The following SEMA3A variants were observed in gnomAD, a reference collection of about 807,000 sequenced individuals.
SEMA3A encodes semaphorin-3A.
SEMA3A carries 29 observed loss-of-function variants against 97.9 expected under a neutral mutation model. That is an observed-to-expected ratio of 0.30 (90% CI 0.22 to 0.40). The LOEUF (loss-of-function observed/expected upper bound fraction) is 0.40, where lower values mean the gene tolerates loss of function less well. SEMA3A is among the 10% of genes least tolerant of loss of function. The pLI, the probability that SEMA3A is intolerant of heterozygous loss-of-function variation, is 1.00. For missense variants in SEMA3A, 763 were observed against 951.3 expected, an observed-to-expected ratio of 0.80 and a Z score of 2.60; for synonymous variants, 321 against 323.7, an observed-to-expected ratio of 0.99 and a Z score of 0.09.
At chr7:84,151,439 G>A (rs1022311915) in intron 1 of SEMA3A, among the ~76,000 whole-genome samples, 11 of 151,998 alleles carry the variant, frequency 7.2e-5, no homozygotes, top group Admixed American at 4.6e-4. Context: ...ACTACATGAA[G>A]AATGCAGAAG....
intron 15 of SEMA3A, among the ~76,000 whole-genome samples, chr7:83,968,317 G>T (rs1449120076): frequency 6.6e-6 from 1 of 152,164 alleles, no homozygotes; most frequent in African/African-American, 2.4e-5. Context: ...TTTTGGCAGG[G>T]TGTTCCCACC....
Position 84,357,121 on chromosome 7 carries a change from C to CTT in SEMA3A, c.-169+14701_-169+14702dup, listed in dbSNP as rs1584261230. Among the ~76,000 whole-genome samples, 10 of 149,222 alleles carry CTT rather than the reference C, an allele frequency of 6.7e-5. No individual in the cohort carries two copies. The East Asian group carries it at 2.0e-3, about 29-fold the overall frequency. On this transcript the variant is annotated intron_variant, in intron 2 of 3. Transcript: ENST00000424555. ...TAATTTCTTTTTTTTTCTATTTTTT[C>CTT]TTTTATATATATATATTTTTTATTA...
intron 1 of SEMA3A, among the ~76,000 whole-genome samples, chr7:84,191,513 A>G (rs1410931001): frequency 6.6e-6 from 1 of 151,816 alleles, no homozygotes; most frequent in Non-Finnish European, 1.5e-5. Flanking sequence ...TGATTCATGC[A>G]GGTTTTTCTG....
chr7:84,436,535 A>G (rs1036932630), intron 1 of SEMA3A, among the ~76,000 whole-genome samples: 1 of 152,188 alleles, frequency 6.6e-6, no homozygotes, highest in Non-Finnish European at 1.5e-5. Context: ...TTACTGGGCC[A>G]AAGTCTTTCT....
intron 3 of SEMA3A, among the ~76,000 whole-genome samples, chr7:84,220,198 T>C (rs1798844395): frequency 6.6e-6 from 1 of 152,198 alleles, no homozygotes. Context: ...ACCACTTTCT[T>C]TCTTCGTAGG....
chr7:84,449,948 A>C (rs1370909416), intron 1 of SEMA3A, among the ~76,000 whole-genome samples: 1 of 152,194 alleles, frequency 6.6e-6, no homozygotes, highest in African/African-American at 2.4e-5. Context: ...ATTTCATTGC[A>C]TCTATTACAA....
At chr7:84,185,469 C>T (rs370912432) in intron 1 of SEMA3A, among the ~76,000 whole-genome samples, 5 of 151,222 alleles carry the variant, frequency 3.3e-5, no homozygotes, top group South Asian at 2.1e-4. Flanking sequence ...GTCAGGAGTT[C>T]GAGACCAGCC....
chr7:84,143,945 T>TAACACACA (rs1460909365), intron 1 of SEMA3A, among the ~76,000 whole-genome samples: 1 of 110,348 alleles, frequency 9.1e-6, no homozygotes, highest in Non-Finnish European at 2.0e-5. Flanking sequence ...TCTCTCTCTC[T>TAACACACA]CTCTAACACA....
intron 3 of SEMA3A, among the ~76,000 whole-genome samples, chr7:84,259,898 C>A (rs999724548): frequency 6.6e-6 from 1 of 151,706 alleles, no homozygotes; most frequent in Non-Finnish European, 1.5e-5. Context: ...GAAGGCAAGC[C>A]CCTGGCTGTT....
chr7:84,425,301 A>C (rs13232876), intron 1 of SEMA3A, among the ~76,000 whole-genome samples: 2 of 120,780 alleles, frequency 1.7e-5, no homozygotes, highest in Non-Finnish European at 3.1e-5. Context: ...ATATTTATAT[A>C]AATATATAAT....
In SEMA3A at chr7:84,279,616, G is replaced by A. The variant is rs564583793; in HGVS notation, c.-83+27591C>T. Among the ~76,000 whole-genome samples, 8 of 152,234 alleles carry A rather than the reference G, an allele frequency of 5.3e-5. 1 individual carries two copies. The South Asian group carries it at 1.4e-3, about 28-fold the overall frequency. On this transcript the variant is annotated intron_variant, in intron 3 of 3. Transcript: ENST00000424555. The stretch of plus-strand genomic sequence containing the variant: ...GGGCAAAATTGAATTTGGGGCAAAG[G>A]TTATGTGGGAGTTCGTTTTACTACT...
chr7:84,027,924 T>G (rs1475053781), intron 6 of SEMA3A, among the ~76,000 whole-genome samples: 1 of 152,220 alleles, frequency 6.6e-6, no homozygotes, highest in Non-Finnish European at 1.5e-5. Context: ...TTCTGCTTCA[T>G]TATTAAGAAA....
At chr7:84,052,246 C>T (rs1792705098) in intron 5 of SEMA3A, among the ~76,000 whole-genome samples, 1 of 152,042 alleles carries the variant, frequency 6.6e-6, no homozygotes, top group Non-Finnish European at 1.5e-5. Flanking sequence ...AGGGAGGATT[C>T]CCTCTTTTTC....
intron 3 of SEMA3A, among the ~76,000 whole-genome samples, chr7:84,227,319 A>G (rs541319012): frequency 3.9e-5 from 6 of 152,146 alleles, no homozygotes; most frequent in Non-Finnish European, 8.8e-5. Flanking sequence ...TTCAATCTCA[A>G]AGCAGCCAAG....
chr7:83,978,853 G>A (rs1789276880), intron 14 of SEMA3A, among the ~76,000 whole-genome samples: 1 of 152,096 alleles, frequency 6.6e-6, no homozygotes, highest in Admixed American at 6.5e-5. Context: ...TTTAAAGACA[G>A]CGTGTCACTC....
intron 1 of SEMA3A, among the ~76,000 whole-genome samples, chr7:84,156,176 G>A (rs1317018941): frequency 1.3e-5 from 2 of 151,866 alleles, no homozygotes; most frequent in African/African-American, 4.8e-5. Flanking sequence ...GTGTTTACGT[G>A]ACACATCAGA....
intron 6 of SEMA3A, among the ~76,000 whole-genome samples, chr7:84,037,235 G>A (rs1354994155): frequency 6.6e-6 from 1 of 151,540 alleles, no homozygotes; most frequent in Non-Finnish European, 1.5e-5. Flanking sequence ...ATTAATCAAT[G>A]AGAATAGCAA....
chr7:84,046,292 T>A, intron 6 of SEMA3A, 32 bp downstream of exon 6: 1 of 1,609,056 alleles, frequency 6.2e-7, no homozygotes, highest in Non-Finnish European at 8.5e-7. Flanking sequence ...TTACACATGT[T>A]ACATGTCTAT....
At chr7:84,247,984 GT>G (rs1799515127) in intron 3 of SEMA3A, among the ~76,000 whole-genome samples, 1 of 152,118 alleles carries the variant, frequency 6.6e-6, no homozygotes, top group Admixed American at 6.6e-5. Flanking sequence ...TATATATTAT[GT>G]TTATATTTTC....
Sources: allele counts gnomAD v4.1 joint callset (sites outside exome capture counted in the v4.1 genomes callset), GRCh38; gene constraint gnomAD v4.1.1; transcripts MANE v1.5; gene names NCBI Gene and HGNC (gene_info 2026-07-23, HGNC 2026-07-21).